The following VPS11 variants were observed in gnomAD, a reference collection of about 807,000 sequenced individuals.
VPS11 encodes VPS11 core subunit of CORVET and HOPS complexes, also known as vacuolar protein sorting-associated protein 11 homolog.
Under a neutral mutation model 106.8 loss-of-function variants are expected in VPS11, and 51 were observed. The ratio of observed to expected loss-of-function variants is 0.48; its 90% CI spans 0.38 to 0.60. The LOEUF is 0.60. VPS11 is among the 20% of genes least tolerant of loss of function. The probability of loss-of-function intolerance (pLI) is 0.00; values close to 1 mark genes in which losing one functional copy is unlikely to be tolerated. For synonymous variants in VPS11, 453 were observed against 458.7 expected (o/e 0.99, Z 0.16); for missense variants, 950 against 1,190.0 (o/e 0.80, Z 2.97).
rs782272810 is a variant in VPS11, at chr11:119,078,852, C to T, written c.2121C>T (p.Ser707=). The stretch of plus-strand genomic sequence containing the variant: ...ACGAGCAGTACCGGCAGGTCATCAG[C>T]GTGTGTGAGCGCCATGGGGAGCAGG... ...MQHEQYRQVI[S]VCERHGEQDP... Residue 707 remains serine (S), a synonymous_variant, in exon 13 of 16, where the codon AGC becomes AGT. Coordinates refer to ENST00000621676, the MANE Select transcript of VPS11 (RefSeq NM_021729.6). 9.9e-6 allele frequency: 16 copies of T among 1,613,896 alleles called. No individual in the cohort carries two copies. Among genetic ancestry groups the T allele is most frequent in the Non-Finnish European group, 1.3e-5 (15 of 1,179,854 alleles).
intron 6 of VPS11, 88 bp from the exon 7 acceptor site, chr11:119,073,711 CT>C: frequency 7.1e-7 from 1 of 1,415,962 alleles, no homozygotes; most frequent in Non-Finnish European, 9.7e-7. Flanking sequence ...AAATCCAGGA[CT>C]TTCTGTTTTG....
Position 119,067,875 on chromosome 11 carries a change from G to T in VPS11, c.52G>T (p.Val18Leu). 4 of 1,577,340 alleles carry T rather than the reference G, an allele frequency of 2.5e-6. No homozygotes were observed. The highest frequency in any genetic ancestry group is 3.4e-6 in the Non-Finnish European group (4 of 1,161,260). ...RRFVFFDKEL[V>L]KEPLSNDGAA... is the part of the protein sequence containing the mutation. ...CTTCGTTTTCTTCGACAAGGAGCTG[G>T]TGAAGGAGCCGCTGAGCAATGATGG... The change falls in exon 1 of 16, where the codon GTG becomes TTG. Residue 18 changes from valine to leucine, a missense_variant. Physicochemically the swap from Val to Leu is conservative, Grantham distance 32. Around this residue, in one of 3 missense-constraint regions of VPS11, gnomAD observed 62 missense variants for 45.1 expected, o/e 1.37. Transcript: ENST00000621676.
chr11:119,073,145 G>T, intron 5 of VPS11, 53 bp from the exon 6 acceptor site: 1 of 1,558,010 alleles, frequency 6.4e-7, no homozygotes, highest in East Asian at 2.4e-5. Flanking sequence ...AAGGAAATAG[G>T]GGAGATAAGA....
At chr11:119,073,688 C>A (rs12294132) in intron 6 of VPS11, 112 bp from the exon 7 acceptor site, 115 of 1,235,440 alleles carry the variant, frequency 9.3e-5, no homozygotes, top group Non-Finnish European at 1.3e-4. Context: ...TGTCTAGGAT[C>A]TAGGCAGATC....
At chr11:119,074,402 T>G (rs1206345186) in intron 7 of VPS11, among the ~76,000 whole-genome samples, 1 of 151,888 alleles carries the variant, frequency 6.6e-6, no homozygotes, top group East Asian at 1.9e-4. Context: ...TCTTTGCTTT[T>G]TTTGTTTGTT....
intron 7 of VPS11, among the ~76,000 whole-genome samples, chr11:119,075,092 C>T (rs1283174607): frequency 6.6e-6 from 1 of 151,796 alleles, no homozygotes; most frequent in Non-Finnish European, 1.5e-5. Flanking sequence ...CGGTGAAACC[C>T]CGTCTCTACT....
intron 6 of VPS11, 135 bp from the exon 7 acceptor site, chr11:119,073,665 G>T: frequency 2.0e-6 from 2 of 999,418 alleles, no homozygotes; most frequent in Non-Finnish European, 2.9e-6. Context: ...GGGATATCTG[G>T]TAGCTCTTGG....
At chr11:119,079,376 TC>T in intron 14 of VPS11, 76 bp downstream of exon 14, 1 of 1,458,512 alleles carries the variant, frequency 6.9e-7, no homozygotes, top group Middle Eastern at 2.5e-4. Flanking sequence ...CTAAGTACTT[TC>T]CGTAGAGGAT....
intron 4 of VPS11, 145 bp downstream of exon 4, chr11:119,070,542 A>T: frequency 1.1e-6 from 1 of 944,234 alleles, no homozygotes; most frequent in Non-Finnish European, 1.4e-6. Context: ...TTTGTATTTT[A>T]TTTTTTTGCC....
intron 8 of VPS11, 95 bp from the exon 9 acceptor site, chr11:119,077,406 A>G: frequency 6.8e-7 from 1 of 1,469,828 alleles, no homozygotes; most frequent in South Asian, 1.3e-5. Flanking sequence ...GAACGTTATG[A>G]TATCACCTTA....
In VPS11 at chr11:119,072,109, G is replaced by T. The variant is rs532576976; in HGVS notation, c.884+266G>T. On this transcript the variant is annotated intron_variant, in intron 5 of 15. Coordinates refer to ENST00000621676, the MANE Select transcript of VPS11 (RefSeq NM_021729.6). The stretch of plus-strand genomic sequence containing the variant: ...GCCTCCTGAATAGCTGGGATTACAG[G>T]CATGTGCCACCACGCCTGGCTACTT... 2.2e-5 allele frequency: 8 copies of T among 360,074 alleles called. No homozygotes were observed. In the East Asian group the frequency reaches 4.0e-4, roughly 18 times the overall value. The allele number at this position is 360,074 out of a possible 1,614,324, so 22.3% of individuals were successfully genotyped here.
Position 119,069,998 on chromosome 11 carries a change from C to CT in VPS11, c.473-236_473-235insT, listed in dbSNP as rs1258751342. 4.0e-4 allele frequency among the ~76,000 whole-genome samples: 7 copies of CT among 17,400 alleles called. No homozygotes were observed. The East Asian group carries it at 0.032, about 80-fold the overall frequency. 11.4% of individuals were successfully genotyped at this position (17,400 alleles called of 152,430 possible). ...GGGCAACAAGAGCAAAACTCTGTCT[C>CT]AAAATAAATAAATAAATAAATAAAT... On this transcript the variant is annotated intron_variant, in intron 3 of 15. Coordinates refer to ENST00000621676, the MANE Select transcript of VPS11 (RefSeq NM_021729.6).
intron 3 of VPS11, 72 bp downstream of exon 3, chr11:119,069,649 C>T (rs1475705700): frequency 1.2e-6 from 2 of 1,602,270 alleles, no homozygotes; most frequent in African/African-American, 2.7e-5. Context: ...TGCCTCTCAT[C>T]TTTACTGTTT....
intron 1 of VPS11, among the ~76,000 whole-genome samples, chr11:119,068,539 T>TC (rs1362277434): frequency 6.7e-6 from 1 of 150,126 alleles, no homozygotes; most frequent in African/African-American, 2.5e-5. Flanking sequence ...AACCGTCTCT[T>TC]GAGTTCAAGC....
rs373999938 is a variant in VPS11 at position 119,069,764 on chromosome 11, T to C, written c.472+187T>C. Among the ~76,000 whole-genome samples the C allele has an allele frequency of 1.1e-4, 16 of 152,170 alleles. No individual in the cohort carries two copies. In the East Asian group the frequency reaches 2.5e-3, roughly 24 times the overall value. On this transcript the variant is annotated intron_variant, in intron 3 of 15. Coordinates refer to ENST00000621676, the MANE Select transcript of VPS11 (RefSeq NM_021729.6). ...CTGTAATCCCAGCACCTTGGGAGGC[T>C]GAGGTGGGCGGATCACCTGAGATTG... is the stretch of plus-strand genomic sequence containing the variant.
chr11:119,081,191 C>G lies in VPS11; in HGVS notation c.2538C>G (p.Cys846Trp). 6.2e-7 allele frequency: 1 copy of G among 1,614,040 alleles called. No homozygotes were observed. Among genetic ancestry groups the G allele is most frequent in the Non-Finnish European group, 8.5e-7 (1 of 1,179,900 alleles). ...GTGGCCACTCCTTCCACCAACACTG[C>G]TTTGAGAGTTACTCGGAAAGTGATG... is the stretch of plus-strand genomic sequence containing the variant. ...FLCGHSFHQH[C>W]FESYSESDAD... Residue 846 changes from cysteine (C) to tryptophan (W), a missense_variant, in exon 15 of 16, where the codon TGC becomes TGG. Transcript: ENST00000621676.
At position 119,073,917 on chromosome 11, in the gene VPS11, G is replaced by A. The variant is rs782134335; in HGVS notation, c.1204G>A (p.Gly402Ser). 2 of 1,613,490 alleles carry A rather than the reference G, an allele frequency of 1.2e-6. No individual in the cohort carries two copies. The highest frequency in any genetic ancestry group is 1.1e-5 in the South Asian group (1 of 91,058). Residue 402 changes from glycine (G) to serine (S), a missense_variant, in exon 7 of 16, where the codon GGC becomes AGC. Gly to Ser is a moderately conservative substitution (Grantham distance 56, BLOSUM62 0). Transcript: ENST00000621676. Reference sequence around the variant, plus strand: ...GTATGGAGACCATCTCTACAGCAAGGGCAACCACGATGGGGCTGTCCAGCA... The same window carrying A: ...GTATGGAGACCATCTCTACAGCAAGAGCAACCACGATGGGGCTGTCCAGCA... Reference protein sequence around the residue: ...MQYGDHLYSKGNHDGAVQQYI... With the variant: ...MQYGDHLYSKSNHDGAVQQYI...
In VPS11 at chr11:119,081,431, G is replaced by A. The variant is rs138070337; in HGVS notation, c.2662-28G>A. 3.5e-4 allele frequency: 567 copies of A among 1,613,712 alleles called. No homozygotes were observed. In the African/African-American group the frequency reaches 4.3e-3, roughly 12 times the overall value. ...GAAACAAGCACTTTGATTCTGATTC[G>A]TATTCCTTCCCTCCTCTTCTCCTGC... is the stretch of plus-strand genomic sequence containing the variant. On this transcript the variant is annotated intron_variant, in intron 15 of 15. Transcript: ENST00000621676.
Position 119,077,935 on chromosome 11 carries a change from A to G in VPS11, c.1630A>G (p.Asn544Asp). 1.9e-6 allele frequency: 3 copies of G among 1,614,078 alleles called. No homozygotes were observed. The highest frequency in any genetic ancestry group is 2.5e-6 in the Non-Finnish European group (3 of 1,179,902). The change falls in exon 10 of 16, where the codon AAC becomes GAC. Residue 544 changes from asparagine to aspartate, a missense_variant. Asn to Asp is a conservative substitution (Grantham distance 23). Coordinates refer to ENST00000621676, the MANE Select transcript of VPS11 (RefSeq NM_021729.6). Reference sequence around the variant, plus strand: ...GCTGCCTTTTGAGCAGGCAGAGAGCAACATGAAGCGCTACGGCAAGATCCT... The same window carrying G: ...GCTGCCTTTTGAGCAGGCAGAGAGCGACATGAAGCGCTACGGCAAGATCCT... ...GKLPFEQAESNMKRYGKILMH... is the reference protein window; with the variant it reads ...GKLPFEQAESDMKRYGKILMH...
Sources: gnomAD v4.1 joint callset for allele counts (sites outside exome capture counted in the v4.1 genomes callset) on GRCh38, gnomAD v4.1.1 for gene constraint, gnomAD v4.1.1 regional missense constraint, MANE v1.5 for transcripts, NCBI Gene and HGNC (gene_info 2026-07-23, HGNC 2026-07-21) for gene names.